Variants in ADGRL4 observed in about 807,000 individuals in gnomAD.
ADGRL4 encodes the protein adhesion G protein-coupled receptor L4.
In ADGRL4, 90 loss-of-function variants were observed where a neutral mutation model predicts 74.8. The ratio of observed to expected loss-of-function variants is 1.20; its 90% CI spans 1.02 to 1.43. ADGRL4 has a LOEUF of 1.43. ADGRL4 is among the 40% of genes most tolerant of loss of function. The pLI is 0.00. For synonymous variants in ADGRL4, 311 were observed against 279.2 expected (o/e 1.11, Z -1.14); for missense variants, 881 against 814.3 (o/e 1.08, Z -1.00).
intron 2 of ADGRL4, among the ~76,000 whole-genome samples, chr1:78,951,894 T>G (rs1649729830): frequency 1.3e-5 from 2 of 152,154 alleles, no homozygotes; most frequent in South Asian, 4.1e-4. Flanking sequence ...ATTCTCCAAA[T>G]TCAAGAGTTA....
chr1:78,961,701 G>A (rs1280206809), intron 2 of ADGRL4, among the ~76,000 whole-genome samples: 1 of 152,050 alleles, frequency 6.6e-6, no homozygotes, highest in Non-Finnish European at 1.5e-5. Context: ...TAGCCCTGAT[G>A]TTCTTAAATG....
chr1:78,958,749 A>G (rs12746315), intron 2 of ADGRL4, among the ~76,000 whole-genome samples: 74,612 of 152,100 alleles, frequency 0.49, 18,658 homozygotes, highest in Middle Eastern at 0.56. Context: ...AAGCAACAGC[A>G]GGGTTTGAGA....
intron 7 of ADGRL4, among the ~76,000 whole-genome samples, chr1:78,928,406 A>C (rs1570234867): frequency 6.6e-6 from 1 of 151,432 alleles, no homozygotes; most frequent in East Asian, 1.9e-4. Flanking sequence ...TCTAGCTTTG[A>C]ATTTTCTTAA....
intron 12 of ADGRL4, among the ~76,000 whole-genome samples, chr1:78,905,079 C>G (rs1648607805): frequency 6.6e-6 from 1 of 151,906 alleles, no homozygotes; most frequent in Admixed American, 6.6e-5. Context: ...ATTTGTCTGT[C>G]TTTATTTTTG....
intron 7 of ADGRL4, among the ~76,000 whole-genome samples, chr1:78,931,246 T>C (rs1306702212): frequency 2.7e-5 from 4 of 147,904 alleles, no homozygotes; most frequent in Non-Finnish European, 6.0e-5. Flanking sequence ...GCAGAAACTC[T>C]GCAAGTCAGA....
chr1:78,907,246 G>T (rs1178792787), intron 12 of ADGRL4, among the ~76,000 whole-genome samples: 1 of 151,996 alleles, frequency 6.6e-6, no homozygotes, highest in African/African-American at 2.4e-5. Context: ...AGTTTATAAT[G>T]AATGCTGCAT....
At chr1:78,972,827 G>T (rs1297649767) in intron 2 of ADGRL4, among the ~76,000 whole-genome samples, 1 of 152,088 alleles carries the variant, frequency 6.6e-6, no homozygotes, top group East Asian at 1.9e-4. Context: ...AATGTCTTTT[G>T]TATCACAGTG....
At chr1:78,933,089 A>G (rs1649280167) in intron 7 of ADGRL4, among the ~76,000 whole-genome samples, 1 of 151,500 alleles carries the variant, frequency 6.6e-6, no homozygotes, top group East Asian at 1.9e-4. Context: ...GAAGCCAGCC[A>G]TCATCCTGAT....
intron 8 of ADGRL4, among the ~76,000 whole-genome samples, chr1:78,926,627 A>G (rs958281453): frequency 6.6e-6 from 1 of 152,058 alleles, no homozygotes; most frequent in Non-Finnish European, 1.5e-5. Context: ...TAAACAGTGT[A>G]CTTATAAATA....
At chr1:78,968,635 T>C (rs1359710252) in intron 2 of ADGRL4, among the ~76,000 whole-genome samples, 3 of 152,094 alleles carry the variant, frequency 2.0e-5, no homozygotes, top group Non-Finnish European at 4.4e-5. Context: ...CTGCAGCTGC[T>C]ACTCTTTATA....
chr1:78,981,541 T>C (rs1033169862), intron 2 of ADGRL4, among the ~76,000 whole-genome samples: 5 of 151,916 alleles, frequency 3.3e-5, no homozygotes, highest in African/African-American at 1.2e-4. Context: ...TTGCAGTCAG[T>C]GGATACTCAG....
At chr1:78,965,606 A>G (rs1332860994) in intron 2 of ADGRL4, among the ~76,000 whole-genome samples, 1 of 152,236 alleles carries the variant, frequency 6.6e-6, no homozygotes. Flanking sequence ...TGGATATAAC[A>G]AGAGATTGTA....
intron 2 of ADGRL4, among the ~76,000 whole-genome samples, chr1:78,956,108 G>T (rs577482503): frequency 6.6e-6 from 1 of 152,156 alleles, no homozygotes; most frequent in South Asian, 2.1e-4. Context: ...TATATGTATT[G>T]CATTTAGGAA....
chr1:78,921,476 TGG>T, intron 9 of ADGRL4, 135 bp downstream of exon 9: 1 of 439,212 alleles, frequency 2.3e-6, no homozygotes. Context: ...AAGATCCTGT[TGG>T]GGTTTTATCT....
intron 2 of ADGRL4, among the ~76,000 whole-genome samples, chr1:78,997,522 TA>T (rs1650741552): frequency 6.6e-6 from 1 of 152,200 alleles, no homozygotes; most frequent in Non-Finnish European, 1.5e-5. Context: ...ATCAAAGTAA[TA>T]AGTTTTTTTT....
intron 12 of ADGRL4, among the ~76,000 whole-genome samples, chr1:78,907,270 A>T (rs956541911): frequency 8.5e-5 from 13 of 152,094 alleles, no homozygotes; most frequent in East Asian, 1.9e-4. Flanking sequence ...ATTTTCTGAA[A>T]TTTTTTCTCA....
chr1:78,939,669 T>A (rs1444556872), intron 3 of ADGRL4: 1 of 153,092 alleles, frequency 6.5e-6, no homozygotes, highest in African/African-American at 2.4e-5. Context: ...AGCGCCATCA[T>A]TATGTGTGAA....
chr1:78,903,965 A>G (rs1361993753), intron 12 of ADGRL4, among the ~76,000 whole-genome samples: 3 of 110,566 alleles, frequency 2.7e-5, no homozygotes, highest in Non-Finnish European at 6.4e-5. Flanking sequence ...AAATAAATAA[A>G]TAAATAAATA....
Position 78,920,401 on chromosome 1 carries a change from T to C in ADGRL4, c.1258-15A>G. The C allele has an allele frequency of 6.7e-7, 1 of 1,489,392 alleles. No individual in the cohort carries two copies. The highest frequency in any genetic ancestry group is 9.2e-7 in the Non-Finnish European group (1 of 1,082,762). The allele number at this position is 1,489,392 out of a possible 1,614,324, so 92.3% of individuals were successfully genotyped here. On this transcript the variant is annotated splice_polypyrimidine_tract_variant and intron_variant, in intron 9 of 14. Coordinates refer to ENST00000370742, the MANE Select transcript of ADGRL4 (RefSeq NM_022159.4). ...TCTTTAATACCCTAAGGGAAAATAA[T>C]AATAAAGCAGTTAAAAGAATAACTC...
Sources: allele counts gnomAD v4.1 joint callset (sites outside exome capture counted in the v4.1 genomes callset), GRCh38; gene constraint gnomAD v4.1.1; transcripts MANE v1.5; gene names NCBI Gene and HGNC (gene_info 2026-07-23, HGNC 2026-07-21).